PHLDB2: variants seen among roughly 807,000 people sequenced by gnomAD.
PHLDB2 encodes the protein pleckstrin homology like domain family B member 2, also known as pleckstrin homology-like domain family B member 2.
In PHLDB2, 71 loss-of-function variants were observed where a neutral mutation model predicts 123.6. The observed-to-expected ratio is 0.57, with a 90% CI of 0.47 to 0.70. The LOEUF (loss-of-function observed/expected upper bound fraction) is 0.70. Among genes scored for constraint, PHLDB2 ranks in the 30% least tolerant of loss-of-function variants. The probability of loss-of-function intolerance (pLI) is 0.00; values close to 1 mark genes in which losing one functional copy is unlikely to be tolerated. For missense variants in PHLDB2, 1,446 were observed against 1,519.5 expected, an observed-to-expected ratio of 0.95 and a Z score of 0.80; for synonymous variants, 547 against 541.6, an observed-to-expected ratio of 1.01 and a Z score of -0.14.
chr3:111,793,305 T>C lies in PHLDB2; in HGVS notation c.-48-52516T>C, dbSNP rs967477521. 1.5e-4 allele frequency among the ~76,000 whole-genome samples: 23 copies of C among 152,128 alleles called. 1 individual carries two copies. Among genetic ancestry groups the C allele is most frequent in the Admixed American group, 8.5e-4 (13 of 15,276 alleles). The stretch of plus-strand genomic sequence containing the variant: ...CCTCAAGCAGGGGAGACTCTTCCCA[T>C]GGCCACCACTGCCCCAGGCTTGCAG... On this transcript the variant is annotated intron_variant, in intron 1 of 17. Transcript: ENST00000393923.
upstream of PHLDB2, among the ~76,000 whole-genome samples, chr3:111,857,692 CAT>C (rs1392430645): frequency 6.6e-6 from 1 of 152,092 alleles, no homozygotes; most frequent in African/African-American, 2.4e-5. Context: ...TCCTAACAAA[CAT>C]ATGAAAAAAA....
At chr3:111,918,269 C>G (rs777780231) in intron 3 of PHLDB2, among the ~76,000 whole-genome samples, 3 of 152,216 alleles carry the variant, frequency 2.0e-5, no homozygotes, top group Admixed American at 6.5e-5. Flanking sequence ...ACTATGCACT[C>G]TCTCACTTGT....
intron 1 of PHLDB2, among the ~76,000 whole-genome samples, chr3:111,787,561 T>C (rs1055075966): frequency 6.6e-6 from 1 of 152,168 alleles, no homozygotes; most frequent in Admixed American, 6.5e-5. Flanking sequence ...CAAGCTAGAA[T>C]TGGAGGGCTC....
intron 1 of PHLDB2, among the ~76,000 whole-genome samples, chr3:111,783,788 C>A (rs1576588818): frequency 6.6e-6 from 1 of 152,056 alleles, no homozygotes; most frequent in Admixed American, 6.6e-5. Context: ...GCCTTAATCC[C>A]AAAGGAGTTT....
At chr3:111,895,183 C>T (rs917580297) in intron 2 of PHLDB2, among the ~76,000 whole-genome samples, 1 of 152,062 alleles carries the variant, frequency 6.6e-6, no homozygotes, top group Admixed American at 6.6e-5. Flanking sequence ...GGAAACAGAG[C>T]TAAAGTCTTC....
chr3:111,892,169 A>G (rs1041168761), intron 2 of PHLDB2, among the ~76,000 whole-genome samples: 2 of 152,022 alleles, frequency 1.3e-5, no homozygotes, highest in Non-Finnish European at 2.9e-5. Flanking sequence ...ACACATACGA[A>G]TTTTTTCCAT....
chr3:111,841,963 T>C (rs2063716734), intron 1 of PHLDB2, among the ~76,000 whole-genome samples: 1 of 152,218 alleles, frequency 6.6e-6, no homozygotes, highest in Admixed American at 6.5e-5. Context: ...GTACATGTAT[T>C]AAGGAACAGA....
chr3:111,779,598 A>G (rs1408652522), intron 1 of PHLDB2, among the ~76,000 whole-genome samples: 1 of 151,982 alleles, frequency 6.6e-6, no homozygotes. Flanking sequence ...ATTCTTTTTT[A>G]TGGCTGCATA....
At position 111,899,162 on chromosome 3, in the gene PHLDB2, A is replaced by G. The variant is rs79523834; in HGVS notation, c.1335+13750A>G. Reference sequence around the variant, plus strand: ...AATTACCCCATGGGATGTAAAATGGATATTGTGTTATCAGGCATGAAAACA... The same window carrying G: ...AATTACCCCATGGGATGTAAAATGGGTATTGTGTTATCAGGCATGAAAACA... On this transcript the variant is annotated intron_variant, in intron 2 of 17. Transcript: ENST00000431670. 5.0e-3 allele frequency among the ~76,000 whole-genome samples: 757 copies of G among 152,266 alleles called. 4 individuals carry two copies. The highest frequency in any genetic ancestry group is 0.017 in the African/African-American group (694 of 41,544).
chr3:111,816,946 C>T (rs778521363), intron 1 of PHLDB2, among the ~76,000 whole-genome samples: 2 of 152,166 alleles, frequency 1.3e-5, no homozygotes. Context: ...ATGAGTCTCA[C>T]AAGATCTAAT....
At chr3:111,960,363 T>TA (rs1027374365) in intron 12 of PHLDB2, among the ~76,000 whole-genome samples, 1 of 152,218 alleles carries the variant, frequency 6.6e-6, no homozygotes, top group Non-Finnish European at 1.5e-5. Flanking sequence ...TATATGGCTT[T>TA]AAAAAATACA....
intron 12 of PHLDB2, among the ~76,000 whole-genome samples, chr3:111,954,939 C>A (rs1362121607): frequency 6.6e-6 from 1 of 151,998 alleles, no homozygotes; most frequent in Non-Finnish European, 1.5e-5. Flanking sequence ...GGATTCAAAT[C>A]CTCCCCTCTA....
chr3:111,949,730 T>C, intron 10 of PHLDB2: 1 of 985,854 alleles, frequency 1.0e-6, no homozygotes, highest in South Asian at 4.7e-5. Flanking sequence ...TCTGGATTTG[T>C]GTTTCCTTCC....
chr3:111,766,568 C>T (rs1431235074), intron 1 of PHLDB2, among the ~76,000 whole-genome samples: 1 of 152,048 alleles, frequency 6.6e-6, no homozygotes, highest in Non-Finnish European at 1.5e-5. Flanking sequence ...ACCAATTTAA[C>T]ACCTGCTTGG....
In PHLDB2 at chr3:111,968,184, TACA is replaced by T. The variant is rs139440269; in HGVS notation, c.3315+364_3315+366del. On this transcript the variant is annotated intron_variant, in intron 15 of 17. Coordinates refer to ENST00000431670, the MANE Select transcript of PHLDB2 (RefSeq NM_001134438.2). ...ACCTGGATTTGCTGCTGAAAACAAA[TACA>T]ACATTTGAACTGAAACCTTTGCTTG... Among the ~76,000 whole-genome samples, 30 of 152,256 alleles carry T rather than the reference TACA, an allele frequency of 2.0e-4. No individual in the cohort carries two copies. The East Asian group carries it at 5.8e-3, about 29-fold the overall frequency.
intron 6 of PHLDB2, among the ~76,000 whole-genome samples, chr3:111,937,407 A>G (rs2069563120): frequency 6.6e-6 from 1 of 152,206 alleles, no homozygotes; most frequent in Non-Finnish European, 1.5e-5. Flanking sequence ...TATGTTAGCT[A>G]TGTAGAGCTG....
intron 14 of PHLDB2, among the ~76,000 whole-genome samples, chr3:111,967,238 G>A (rs1173064307): frequency 6.6e-6 from 1 of 152,166 alleles, no homozygotes. Context: ...TGCTTCCTCT[G>A]TGACCTTCAG....
At chr3:111,968,786 A>G (rs934792816) in intron 15 of PHLDB2, among the ~76,000 whole-genome samples, 2 of 152,226 alleles carry the variant, frequency 1.3e-5, no homozygotes, top group African/African-American at 4.8e-5. Context: ...TTATTTCATC[A>G]TGCCCAACGC....
intron 8 of PHLDB2, 50 bp from the exon 9 acceptor site, chr3:111,945,218 G>T: frequency 8.1e-7 from 1 of 1,240,526 alleles, no homozygotes. Flanking sequence ...ATGCTTCTCA[G>T]TTGCATCGAA....
Sources: allele counts gnomAD v4.1 joint callset (sites outside exome capture counted in the v4.1 genomes callset), GRCh38; gene constraint gnomAD v4.1.1; transcripts MANE v1.5; gene names NCBI Gene and HGNC (gene_info 2026-07-23, HGNC 2026-07-21).